IL31RA: variants seen among roughly 807,000 people sequenced by gnomAD.
The protein encoded by IL31RA is interleukin-31 receptor subunit alpha.
IL31RA carries 66 observed loss-of-function variants against 83.7 expected under a neutral mutation model. That is an observed-to-expected ratio of 0.79 (90% CI 0.65 to 0.97). The LOEUF (loss-of-function observed/expected upper bound fraction) is 0.97. Ranked by LOEUF, IL31RA falls within the 50% of genes least tolerant of loss-of-function variation. IL31RA has a pLI of 0.00. For missense variants in IL31RA, 798 were observed against 919.4 expected, an observed-to-expected ratio of 0.87 and a Z score of 1.71; for synonymous variants, 325 against 329.0, an observed-to-expected ratio of 0.99 and a Z score of 0.13.
At chr5:55,881,522 T>C (rs1228178538) in intron 4 of IL31RA, among the ~76,000 whole-genome samples, 1 of 151,818 alleles carries the variant, frequency 6.6e-6, no homozygotes, top group African/African-American at 2.4e-5. Context: ...TACGGTGAGC[T>C]GCCCACTTGC....
intron 2 of IL31RA, among the ~76,000 whole-genome samples, chr5:55,866,372 G>A (rs1242881514): frequency 6.6e-6 from 1 of 152,100 alleles, no homozygotes; most frequent in Non-Finnish European, 1.5e-5. Context: ...AGGGGGTGGG[G>A]TTGGGAGTTG....
At chr5:55,871,734 G>C (rs1221616157) in intron 3 of IL31RA, among the ~76,000 whole-genome samples, 1 of 152,028 alleles carries the variant, frequency 6.6e-6, no homozygotes, top group Non-Finnish European at 1.5e-5. Context: ...TTATGTAACT[G>C]TGATCATTCT....
chr5:55,852,896 A>C (rs1745144833), intron 1 of IL31RA, among the ~76,000 whole-genome samples: 1 of 152,180 alleles, frequency 6.6e-6, no homozygotes, highest in Admixed American at 6.5e-5. Context: ...TCCTGATGTT[A>C]TAGGATTGTT....
rs1749700985 is a variant in IL31RA at position 55,914,902 on chromosome 5, G to GTAGT, written c.1792_1793insTAGT (p.Ala598ValfsTer8). 6.2e-7 allele frequency: 1 copy of GTAGT among 1,613,310 alleles called. No individual in the cohort carries two copies. Among genetic ancestry groups the GTAGT allele is most frequent in the African/African-American group, 1.3e-5 (1 of 74,920 alleles). On this transcript the variant is annotated frameshift_variant, in exon 14 of 15. Transcript: ENST00000652347. LOFTEE classifies it low-confidence loss of function (END_TRUNC). ...TCCCAACCCTGCTGAAAGTAGTATA[G>GTAGT]CCACATGGCATGGAGATGATTTCAA...
At chr5:55,890,664 C>T (rs1229186691) in intron 6 of IL31RA, among the ~76,000 whole-genome samples, 2 of 152,150 alleles carry the variant, frequency 1.3e-5, no homozygotes, top group African/African-American at 4.8e-5. Context: ...GCCACTGTGC[C>T]CCGCCAGTAT....
rs559166816 is a variant in IL31RA, at chr5:55,868,648, G to T, written c.155-143G>T. 1.2e-5 allele frequency: 9 copies of T among 736,268 alleles called. No individual in the cohort carries two copies. The South Asian group carries it at 1.3e-4, about 10-fold the overall frequency. The allele number at this position is 736,268 out of a possible 1,614,324, so 45.6% of individuals were successfully genotyped here. A position where few individuals can be genotyped will look rare whatever the true frequency, so the allele number is the denominator to read the frequency against. On this transcript the variant is annotated intron_variant, in intron 2 of 14. Coordinates refer to ENST00000652347, the MANE Select transcript of IL31RA (RefSeq NM_139017.7). The stretch of plus-strand genomic sequence containing the variant: ...AAGTTAGATTCTTTCCATTGAACCT[G>T]ATTGCTAGGTTACACCTAGCAACTA...
rs76033116 is a variant in IL31RA at position 55,852,000 on chromosome 5, G to A, written c.63+367G>A. On this transcript the variant is annotated intron_variant, in intron 1 of 14. Transcript: ENST00000652347. ...AGAGATAAATGTATATGCTCAATTG[G>A]TCTTGTCTTAACCAGAATTCTATTT... is the stretch of plus-strand genomic sequence containing the variant. 3.9e-3 allele frequency among the ~76,000 whole-genome samples: 599 copies of A among 152,158 alleles called. 5 individuals carry two copies. Among genetic ancestry groups the A allele is most frequent in the African/African-American group, 0.014 (575 of 41,502 alleles).
At position 55,918,054 on chromosome 5, in the gene IL31RA, T is replaced by C. The variant is rs1319134439; in HGVS notation, c.*934T>C. 1.3e-5 allele frequency among the ~76,000 whole-genome samples: 2 copies of C among 152,376 alleles called. No individual in the cohort carries two copies. The highest frequency in any genetic ancestry group is 3.9e-4 in the East Asian group (2 of 5,188). ...TTTGCAGCCCCAACAGGAGGACTTC[T>C]GCTCCTTTTCTCTAGCTGAGCACAG... On this transcript the variant is annotated 3_prime_UTR_variant, in exon 15 of 15. Coordinates refer to ENST00000652347, the MANE Select transcript of IL31RA (RefSeq NM_139017.7).
chr5:55,848,654 C>G (rs1252173696), upstream of IL31RA, among the ~76,000 whole-genome samples: 1 of 152,132 alleles, frequency 6.6e-6, no homozygotes, highest in Non-Finnish European at 1.5e-5. Context: ...CTGGAAAACT[C>G]CATGATTATT....
intron 6 of IL31RA, among the ~76,000 whole-genome samples, chr5:55,890,462 C>A (rs1459526986): frequency 6.6e-6 from 1 of 152,132 alleles, no homozygotes; most frequent in Non-Finnish European, 1.5e-5. Context: ...CACCACCTCC[C>A]GAGTTCAAGC....
intron 4 of IL31RA, 40 bp downstream of exon 4, chr5:55,872,491 T>G: frequency 7.4e-7 from 1 of 1,356,302 alleles, no homozygotes; most frequent in Non-Finnish European, 1.0e-6. Flanking sequence ...CTTTATTAAA[T>G]GTTTACCTCC....
chr5:55,887,742 G>C (rs147324007), intron 5 of IL31RA, among the ~76,000 whole-genome samples: 12 of 152,024 alleles, frequency 7.9e-5, no homozygotes, highest in Non-Finnish European at 1.8e-4. Flanking sequence ...AAAATTAGCC[G>C]GGCGTGTTGG....
the IL31RA span, among the ~76,000 whole-genome samples, chr5:55,844,310 G>A: frequency 6.6e-6 from 1 of 152,152 alleles, no homozygotes; most frequent in Non-Finnish European, 1.5e-5. Flanking sequence ...TTTGTTGCCG[G>A]TAGACCTGCC....
chr5:55,906,299 C>T lies in IL31RA; in HGVS notation c.1252+11C>T, dbSNP rs373105087. On this transcript the variant is annotated intron_variant, in intron 9 of 14. Transcript: ENST00000652347. The stretch of plus-strand genomic sequence containing the variant: ...GGACGATCCAGCAAGGTAGCCAGGG[C>T]GGAACTCACAGGTTCCCTCAGTGCA... The T allele has an allele frequency of 3.7e-5, 60 of 1,613,222 alleles. No individual in the cohort carries two copies. In the Admixed American group the frequency reaches 5.7e-4, roughly 15 times the overall value.
chr5:55,904,764 A>G (rs1282489200), intron 8 of IL31RA, among the ~76,000 whole-genome samples: 1 of 151,918 alleles, frequency 6.6e-6, no homozygotes, highest in African/African-American at 2.4e-5. Flanking sequence ...AGCAGGATGC[A>G]GGACCCCTGG....
intron 4 of IL31RA, among the ~76,000 whole-genome samples, chr5:55,876,748 CT>C (rs1370140078): frequency 6.6e-5 from 10 of 151,906 alleles, no homozygotes; most frequent in Admixed American, 1.3e-4. Context: ...ATAGTTAGAT[CT>C]TTTTTTAATT....
chr5:55,898,084 A>G (rs1180121219), intron 7 of IL31RA, among the ~76,000 whole-genome samples: 1 of 152,232 alleles, frequency 6.6e-6, no homozygotes, highest in East Asian at 1.9e-4. Flanking sequence ...GGGGAATCCT[A>G]GAGAATCAAT....
intron 2 of IL31RA, among the ~76,000 whole-genome samples, chr5:55,867,338 T>C (rs1186579273): frequency 6.6e-6 from 1 of 151,752 alleles, no homozygotes; most frequent in Non-Finnish European, 1.5e-5. Flanking sequence ...TGTGTGTGTA[T>C]GTTTAGGATC....
chr5:55,880,322 C>T (rs1747125568), intron 4 of IL31RA, among the ~76,000 whole-genome samples: 2 of 152,002 alleles, frequency 1.3e-5, no homozygotes, highest in South Asian at 4.1e-4. Context: ...TTTTAAAGTC[C>T]ATGTCTCTAA....
Sources: allele counts gnomAD v4.1 joint callset (sites outside exome capture counted in the v4.1 genomes callset), GRCh38; gene constraint gnomAD v4.1.1; transcripts MANE v1.5; gene names NCBI Gene and HGNC (gene_info 2026-07-23, HGNC 2026-07-21).